CARD14: variants seen among roughly 807,000 people sequenced by gnomAD.
CARD14 encodes the protein caspase recruitment domain family member 14.
A neutral mutation model predicts 111.5 loss-of-function variants in CARD14; 107 were observed. The observed-to-expected ratio is 0.96, with a 90% CI of 0.82 to 1.13. The LOEUF (loss-of-function observed/expected upper bound fraction) is 1.13, where lower values mean the gene tolerates loss of function less well. Among genes scored for constraint, CARD14 ranks in the 50% most tolerant of loss-of-function variants. The pLI, the probability that CARD14 is intolerant of heterozygous loss-of-function variation, is 0.00. For synonymous variants in CARD14, 617 were observed against 579.6 expected, an observed-to-expected ratio of 1.06 and a Z score of -0.93; for missense variants, 1,322 against 1,362.3, an observed-to-expected ratio of 0.97 and a Z score of 0.47.
chr17:80,195,496 G>C lies in CARD14; in HGVS notation c.1500-62G>C. ...CAGGTGCTGGGGGCCAGTGCTTGGG[G>C]CGTGGGGACTCAGAGGGAGCAGGTG... On this transcript the variant is annotated intron_variant, in intron 13 of 23. Transcript: ENST00000648509. This position sits in a 1 kb window ranked among gnomAD's most constrained non-coding sequence, Gnocchi z 4.7. The C allele has an allele frequency of 6.5e-7, 1 of 1,540,586 alleles. No homozygotes were observed. The highest frequency in any genetic ancestry group is 1.9e-5 in the Admixed American group (1 of 53,840).
intron 7 of CARD14, among the ~76,000 whole-genome samples, chr17:80,187,015 T>A (rs1218492046): frequency 2.0e-5 from 3 of 152,260 alleles, no homozygotes; most frequent in Non-Finnish European, 4.4e-5. Flanking sequence ...TACACACACA[T>A]ACTCATATGC....
intron 23 of CARD14, 55 bp from the exon 24 acceptor site, chr17:80,208,083 C>G (rs1010372505): frequency 2.2e-6 from 3 of 1,362,320 alleles, no homozygotes; most frequent in Non-Finnish European, 3.0e-6. Flanking sequence ...CTAGCCAGGG[C>G]TCCTGGGCCC....
rs1232119797 is a variant in CARD14 at position 80,205,105 on chromosome 17, AC to A, written c.2472del (p.Ala825ProfsTer17). The A allele has an allele frequency of 6.2e-7, 1 of 1,613,316 alleles. No homozygotes were observed. The highest frequency in any genetic ancestry group is 8.5e-7 in the Non-Finnish European group (1 of 1,179,874). On this transcript the variant is annotated frameshift_variant, in exon 21 of 24. Coordinates refer to ENST00000648509, the MANE Select transcript of CARD14 (RefSeq NM_001366385.1). LOFTEE classifies it high-confidence loss of function. Reference protein sequence around the residue: ...VPYTLVRPHRPARPRPVLLVP... With the variant: ...VPYTLVRPHRXARPRPVLLVP... ...CCTATACCCTGGTGCGGCCCCATCG[AC>A]CCGCCCGGCCCCGGCCTGTGCTCCT...
In CARD14 at chr17:80,201,623, A is replaced by G; in HGVS notation, c.1852-121A>G. The G allele has an allele frequency of 1.0e-6, 1 of 992,536 alleles. No homozygotes were observed. The highest frequency in any genetic ancestry group is 1.6e-6 in the Non-Finnish European group (1 of 628,580). The allele number at this position is 992,536 out of a possible 1,614,324, so 61.5% of individuals were successfully genotyped here. ...TGGCTTTGTTTTGACCAAGGCGTGCAGGCAGTGGTCCTACGGCAGGGCTGG... is the reference window on the plus strand; with the variant it reads ...TGGCTTTGTTTTGACCAAGGCGTGCGGGCAGTGGTCCTACGGCAGGGCTGG... On this transcript the variant is annotated intron_variant, in intron 16 of 23. Coordinates refer to ENST00000648509, the MANE Select transcript of CARD14 (RefSeq NM_001366385.1). The surrounding 1 kb of genome is among the most constrained non-coding windows in gnomAD (Gnocchi z 5.0).
intron 10 of CARD14, 65 bp from the exon 11 acceptor site, chr17:80,191,255 TCTC>T: frequency 6.4e-7 from 1 of 1,563,464 alleles, no homozygotes; most frequent in Non-Finnish European, 8.8e-7. Flanking sequence ...GAAACAGGGC[TCTC>T]CTTCTCTAGC....
In CARD14 at chr17:80,202,354, C is replaced by T. The variant is rs747104642; in HGVS notation, c.2153C>T (p.Ala718Val). 6.2e-6 allele frequency: 10 copies of T among 1,613,276 alleles called. No individual in the cohort carries two copies. In the Admixed American group the frequency reaches 1.7e-4, roughly 27 times the overall value. The stretch of plus-strand genomic sequence containing the variant: ...TTCCAGGGCTGCGGCTGCTGGCATG[C>T]CCACCGCGTGAACTCTTACACCATG... ...TMFQGCGCWH[A>V]HRVNSYTMKD... The change falls in exon 18 of 24, where the codon GCC becomes GTC. Residue 718 changes from alanine (A) to valine (V), a missense_variant. Transcript: ENST00000648509.
In CARD14 at chr17:80,207,510, C is replaced by G. The variant is rs984392361; in HGVS notation, c.2807+425C>G. 1.9e-5 allele frequency: 3 copies of G among 161,520 alleles called. No individual in the cohort carries two copies. The Admixed American group carries it at 1.9e-4, about 10-fold the overall frequency. The allele number at this position is 161,520 out of a possible 1,614,324, so 10.0% of individuals were successfully genotyped here. On this transcript the variant is annotated intron_variant, in intron 23 of 23. Transcript: ENST00000648509. ...GTTGCGGTGAGCCAAGATCGCGCCACTGCACTCCAGCCTGGGTGACAGAGC... is the reference window on the plus strand; with the variant it reads ...GTTGCGGTGAGCCAAGATCGCGCCAGTGCACTCCAGCCTGGGTGACAGAGC...
In CARD14 at chr17:80,203,498, A is replaced by G. The variant is rs940504826; in HGVS notation, c.2220-324A>G. 2.1e-5 allele frequency: 6 copies of G among 292,664 alleles called. No individual in the cohort carries two copies. Among genetic ancestry groups the G allele is most frequent in the Non-Finnish European group, 3.2e-5 (5 of 157,784 alleles). 18.1% of individuals were successfully genotyped at this position (292,664 alleles called of 1,614,324 possible). A position where few individuals can be genotyped will look rare whatever the true frequency, so the allele number is the denominator to read the frequency against. ...TCTCGGTGACTCCAGGCTGCAGGCC[A>G]GGGACCCACCATGAATATTGAGGTC... On this transcript the variant is annotated intron_variant, in intron 18 of 23. Transcript: ENST00000648509. This position sits in a 1 kb window ranked among gnomAD's most constrained non-coding sequence, Gnocchi z 4.6.
chr17:80,181,089 T>TAAAA lies in CARD14; in HGVS notation c.-20-319_-20-316dup, dbSNP rs60307812. On this transcript the variant is annotated intron_variant, in intron 4 of 23. Coordinates refer to ENST00000648509, the MANE Select transcript of CARD14 (RefSeq NM_001366385.1). ...ACTACCATTATTTTAGATGAATTTC[T>TAAAA]AAAAAAAAAAAAAAGTATTTATTTA... Among the ~76,000 whole-genome samples, 28,402 of 141,046 alleles carry TAAAA rather than the reference T, an allele frequency of 0.2. 2,811 individuals carry two copies. Among genetic ancestry groups the TAAAA allele is most frequent in the East Asian group, 0.24 (1,182 of 4,856 alleles). The allele number at this position is 141,046 out of a possible 152,430, so 92.5% of individuals were successfully genotyped here. A position where few individuals can be genotyped will look rare whatever the true frequency, so the allele number is the denominator to read the frequency against.
chr17:80,172,329 A>G lies in CARD14; in HGVS notation c.-689-577A>G, dbSNP rs143094111. 6.6e-5 allele frequency among the ~76,000 whole-genome samples: 10 copies of G among 152,294 alleles called. No homozygotes were observed. The East Asian group carries it at 1.9e-3, about 29-fold the overall frequency. Reference sequence around the variant, plus strand: ...TTTCGTAAGAGATTTGGGGGCAAATACTGGGATTTTATAAAGATGCTGCAC... The same window carrying G: ...TTTCGTAAGAGATTTGGGGGCAAATGCTGGGATTTTATAAAGATGCTGCAC... On this transcript the variant is annotated intron_variant, in intron 1 of 23. Transcript: ENST00000648509.
Position 80,190,720 on chromosome 17 carries a change from G to A in CARD14, c.964-54G>A, listed in dbSNP as rs2040498380. ...CTGGGTTCCCCGACCCCCTTCTAAGGCCAGACCCTCAGAGCTGCTGAGCTT... is the reference window on the plus strand; with the variant it reads ...CTGGGTTCCCCGACCCCCTTCTAAGACCAGACCCTCAGAGCTGCTGAGCTT... On this transcript the variant is annotated intron_variant, in intron 9 of 23. Transcript: ENST00000648509. 3.1e-6 allele frequency: 5 copies of A among 1,605,052 alleles called. No individual in the cohort carries two copies. In the Admixed American group the frequency reaches 5.0e-5, roughly 16 times the overall value.
At position 80,204,320 on chromosome 17, in the gene CARD14, T is replaced by A. The variant is rs139595123; in HGVS notation, c.2377T>A (p.Leu793Met). The A allele has an allele frequency of 6.3e-7, 1 of 1,586,144 alleles. No individual in the cohort carries two copies. The highest frequency in any genetic ancestry group is 8.6e-7 in the Non-Finnish European group (1 of 1,161,832). The change falls in exon 20 of 24, where the codon TTG (leucine) becomes ATG (methionine). Residue 793 changes from leucine (L) to methionine (M), a missense_variant. Leu to Met is a conservative substitution (Grantham distance 15). Coordinates refer to ENST00000648509, the MANE Select transcript of CARD14 (RefSeq NM_001366385.1). ...PLRLSFDRGQLDPSRMEGSST... is the reference protein window; with the variant it reads ...PLRLSFDRGQMDPSRMEGSST... Reference sequence around the variant, plus strand: ...GCGTTTGTCCTTTGACAGGGGCCAGTTGGACCCCAGCAGGATGGAGGGTGA... The same window carrying A: ...GCGTTTGTCCTTTGACAGGGGCCAGATGGACCCCAGCAGGATGGAGGGTGA...
At chr17:80,192,649 G>A in intron 12 of CARD14, 30 bp downstream of exon 12, 1 of 1,555,794 alleles carries the variant, frequency 6.4e-7, no homozygotes, top group Non-Finnish European at 8.8e-7. Context: ...CTCCCTCACT[G>A]CCTTGACCCT....
In CARD14 at chr17:80,198,183, C is replaced by T. The variant is rs888031527; in HGVS notation, c.1658+21C>T. Reference sequence around the variant, plus strand: ...GAGAGGTAAGCAGCAGGTGGGAATCCTCCGAGGCTGGCTGGGGAACCAGGG... The same window carrying T: ...GAGAGGTAAGCAGCAGGTGGGAATCTTCCGAGGCTGGCTGGGGAACCAGGG... On this transcript the variant is annotated intron_variant, in intron 15 of 23. Transcript: ENST00000648509. This position sits in a 1 kb window ranked among gnomAD's most constrained non-coding sequence, Gnocchi z 7.5. 3 of 1,613,248 alleles carry T rather than the reference C, an allele frequency of 1.9e-6. No homozygotes were observed. Among genetic ancestry groups the T allele is most frequent in the African/African-American group, 2.7e-5 (2 of 75,042 alleles).
In CARD14 at chr17:80,201,997, T is replaced by C. The variant is rs2041003100; in HGVS notation, c.1978+127T>C. The C allele has an allele frequency of 7.3e-7, 1 of 1,363,654 alleles. No individual in the cohort carries two copies. The highest frequency in any genetic ancestry group is 1.0e-6 in the Non-Finnish European group (1 of 1,002,652). 84.5% of individuals were successfully genotyped at this position (1,363,654 alleles called of 1,614,324 possible). On this transcript the variant is annotated intron_variant, in intron 17 of 23. Transcript: ENST00000648509. The surrounding 1 kb of genome is among the most constrained non-coding windows in gnomAD (Gnocchi z 5.0). ...AGAGCCAAGAGAGGATCAGCCAGGC[T>C]GTGCCCCAGGTCCCCAGGAGGCCCC...
Position 80,203,045 on chromosome 17 carries a change from A to G in CARD14, c.2219+625A>G, listed in dbSNP as rs1271367944. ...CACTTTGGGAGGCCGAGGCGGGTGG[A>G]TCATCTGAGGTCAGGAGTTCGAGAC... is the stretch of plus-strand genomic sequence containing the variant. On this transcript the variant is annotated intron_variant, in intron 18 of 23. Transcript: ENST00000648509. The surrounding 1 kb of genome is among the most constrained non-coding windows in gnomAD (Gnocchi z 4.6). 6.6e-6 allele frequency: 1 copy of G among 152,636 alleles called. No individual in the cohort carries two copies. The highest frequency in any genetic ancestry group is 1.5e-5 in the Non-Finnish European group (1 of 68,412). The allele number at this position is 152,636 out of a possible 1,614,324, so 9.5% of individuals were successfully genotyped here. A position where few individuals can be genotyped will look rare whatever the true frequency, so the allele number is the denominator to read the frequency against.
chr17:80,195,725 C>A lies in CARD14; in HGVS notation c.1594+73C>A. On this transcript the variant is annotated intron_variant, in intron 14 of 23. Coordinates refer to ENST00000648509, the MANE Select transcript of CARD14 (RefSeq NM_001366385.1). This position sits in a 1 kb window ranked among gnomAD's most constrained non-coding sequence, Gnocchi z 4.7. Reference sequence around the variant, plus strand: ...GCAGAGCAGGGAGCTGATGAGAAAGCCGGGGCCTCTCTCCAGGGAAAGGGC... The same window carrying A: ...GCAGAGCAGGGAGCTGATGAGAAAGACGGGGCCTCTCTCCAGGGAAAGGGC... 3 of 1,272,206 alleles carry A rather than the reference C, an allele frequency of 2.4e-6. No individual in the cohort carries two copies. The highest frequency in any genetic ancestry group is 3.3e-6 in the Non-Finnish European group (3 of 903,824). The allele number at this position is 1,272,206 out of a possible 1,614,324, so 78.8% of individuals were successfully genotyped here. A position where few individuals can be genotyped will look rare whatever the true frequency, so the allele number is the denominator to read the frequency against.
At chr17:80,187,772 TC>T (rs2040394068) in intron 7 of CARD14, 1 of 985,262 alleles carries the variant, frequency 1.0e-6, no homozygotes, top group Non-Finnish European at 1.2e-6. Flanking sequence ...GGCCCGTGGC[TC>T]GAGCTCCAAG....
At chr17:80,193,464 A>G (rs1021097752) in intron 12 of CARD14, among the ~76,000 whole-genome samples, 7 of 152,088 alleles carry the variant, frequency 4.6e-5, no homozygotes, top group African/African-American at 1.7e-4. Context: ...GAGCCTCAGG[A>G]CCCTGGCATC....
Sources: gnomAD v4.1 joint callset for allele counts (sites outside exome capture counted in the v4.1 genomes callset) on GRCh38, gnomAD v4.1.1 for gene constraint, Gnocchi (gnomAD v3.1) non-coding constraint, MANE v1.5 for transcripts, NCBI Gene and HGNC (gene_info 2026-07-23, HGNC 2026-07-21) for gene names.